The following FOCAD variants were observed in gnomAD, a reference collection of about 807,000 sequenced individuals.
FOCAD encodes focadhesin.
In FOCAD, 198 loss-of-function variants were observed where a neutral mutation model predicts 225.6. That is an observed-to-expected ratio of 0.88 (90% CI 0.78 to 0.99). The LOEUF (loss-of-function observed/expected upper bound fraction) is 0.99. FOCAD is among the 50% of genes least tolerant of loss of function. FOCAD has a pLI of 0.00. For synonymous variants in FOCAD, 897 were observed against 755.0 expected (o/e 1.19, Z -3.08); for missense variants, 2,713 against 2,123.6 (o/e 1.28, Z -5.46).
chr9:20,755,788 C>A (rs186903688), intron 5 of FOCAD, among the ~76,000 whole-genome samples: 2 of 152,040 alleles, frequency 1.3e-5, no homozygotes, highest in Non-Finnish European at 2.9e-5. Context: ...GCTGTTTCTT[C>A]CTTTTTATGT....
At chr9:20,769,169 T>C (rs1306142024) in intron 7 of FOCAD, among the ~76,000 whole-genome samples, 4 of 152,250 alleles carry the variant, frequency 2.6e-5, no homozygotes, top group African/African-American at 9.6e-5. Flanking sequence ...TTTCTTCTCT[T>C]TGATCTTTTA....
chr9:20,995,617 A>C lies in FOCAD; in HGVS notation c.5394A>C (p.Ala1798=). ...AGAAGAAAGCTGTATGGACCAGAGC[A>C]TATGGTTGGTGAACAGTTTTGCAGT... ...EFKKKAVWTR[A]YGW is the part of the protein sequence containing the mutation. Residue 1798 remains alanine, a synonymous_variant, in exon 44 of 44, where the codon GCA becomes GCC. Transcript: ENST00000338382. 1 of 1,612,678 alleles carries C rather than the reference A, an allele frequency of 6.2e-7. No individual in the cohort carries two copies. Among genetic ancestry groups the C allele is most frequent in the South Asian group, 1.1e-5 (1 of 91,062 alleles).
At chr9:20,948,055 C>G (rs1837346595) in intron 30 of FOCAD, among the ~76,000 whole-genome samples, 2 of 151,688 alleles carry the variant, frequency 1.3e-5, no homozygotes, top group Admixed American at 6.6e-5. Context: ...AGCTGAATTC[C>G]TTGCAATTAG....
chr9:20,737,553 A>T (rs191923881), intron 4 of FOCAD, among the ~76,000 whole-genome samples: 1 of 152,332 alleles, frequency 6.6e-6, no homozygotes, highest in East Asian at 1.9e-4. Flanking sequence ...CTTAAATACG[A>T]CTTGAAAGCT....
intron 10 of FOCAD, among the ~76,000 whole-genome samples, chr9:20,785,706 C>G (rs1268075108): frequency 6.6e-6 from 1 of 152,102 alleles, no homozygotes; most frequent in African/African-American, 2.4e-5. Context: ...TATAATGCTG[C>G]TATAATCATT....
chr9:20,693,651 G>A (rs1823114306), intron 1 of FOCAD, among the ~76,000 whole-genome samples: 2 of 152,082 alleles, frequency 1.3e-5, no homozygotes, highest in South Asian at 4.1e-4. Flanking sequence ...GAAAAGCTCT[G>A]GACCATTATC....
intron 6 of FOCAD, among the ~76,000 whole-genome samples, chr9:20,761,215 G>A (rs1424799638): frequency 6.6e-6 from 1 of 152,066 alleles, no homozygotes; most frequent in African/African-American, 2.4e-5. Flanking sequence ...ATTTATTGAA[G>A]GCCTATGACT....
intron 2 of FOCAD, chr9:20,715,989 G>T (rs1825298561): frequency 7.4e-6 from 2 of 271,268 alleles, no homozygotes; most frequent in Admixed American, 5.9e-5. Flanking sequence ...ATAGCTTATT[G>T]TCTTTTCTTG....
intron 35 of FOCAD, among the ~76,000 whole-genome samples, chr9:20,961,688 A>T (rs983655071): frequency 6.6e-6 from 1 of 152,170 alleles, no homozygotes; most frequent in Admixed American, 6.5e-5. Flanking sequence ...CTCTGACAGT[A>T]AGAAACTTGA....
intron 16 of FOCAD, among the ~76,000 whole-genome samples, chr9:20,865,040 T>C (rs1829104818): frequency 6.6e-6 from 1 of 152,136 alleles, no homozygotes; most frequent in Non-Finnish European, 1.5e-5. Context: ...AATCCAGGAC[T>C]TTCTAGTTTC....
At chr9:20,972,325 A>G (rs1303342142) in intron 35 of FOCAD, among the ~76,000 whole-genome samples, 1 of 152,108 alleles carries the variant, frequency 6.6e-6, no homozygotes, top group African/African-American at 2.4e-5. Context: ...TATAGCAACA[A>G]ATAGGTTCTA....
chr9:20,883,394 A>G (rs753179186), intron 20 of FOCAD, among the ~76,000 whole-genome samples: 1 of 152,226 alleles, frequency 6.6e-6, no homozygotes, highest in South Asian at 2.1e-4. Flanking sequence ...TGAACAATCT[A>G]TGAACAAACT....
chr9:20,697,372 A>G (rs1823462484), intron 1 of FOCAD, among the ~76,000 whole-genome samples: 2 of 152,230 alleles, frequency 1.3e-5, no homozygotes, highest in South Asian at 4.1e-4. Flanking sequence ...CAAACCCTGT[A>G]GGACTTCCCA....
intron 6 of FOCAD, among the ~76,000 whole-genome samples, chr9:20,761,118 G>A (rs1427528533): frequency 6.6e-6 from 1 of 151,928 alleles, no homozygotes; most frequent in Non-Finnish European, 1.5e-5. Context: ...TGATCCTCCT[G>A]TCTCAGCCTT....
Position 20,768,501 on chromosome 9 carries a change from C to A in FOCAD, c.700-1531C>A, listed in dbSNP as rs546324156. Among the ~76,000 whole-genome samples, 51 of 151,246 alleles carry A rather than the reference C, an allele frequency of 3.4e-4. 1 individual carries two copies. Among genetic ancestry groups the A allele is most frequent in the African/African-American group, 1.2e-3 (49 of 41,276 alleles). ...ATTTGTTTGTATCCTCTTTTATTTCCTTGAGCAGTGGTTTGTAGTTCTCCT... is the reference window on the plus strand; with the variant it reads ...ATTTGTTTGTATCCTCTTTTATTTCATTGAGCAGTGGTTTGTAGTTCTCCT... On this transcript the variant is annotated intron_variant, in intron 7 of 43. Transcript: ENST00000338382.
intron 35 of FOCAD, among the ~76,000 whole-genome samples, chr9:20,967,445 G>A (rs75338369): frequency 6.6e-6 from 1 of 151,878 alleles, no homozygotes; most frequent in Admixed American, 6.6e-5. Context: ...CTCTATATAG[G>A]ATCATATCAT....
intron 11 of FOCAD, among the ~76,000 whole-genome samples, chr9:20,818,661 C>T (rs1823995535): frequency 6.6e-6 from 1 of 151,758 alleles, no homozygotes; most frequent in Admixed American, 6.6e-5. Context: ...GGATCCTTGT[C>T]AAAAACCAAT....
intron 4 of FOCAD, among the ~76,000 whole-genome samples, chr9:20,731,211 C>T (rs980015122): frequency 6.6e-6 from 1 of 151,988 alleles, no homozygotes; most frequent in Non-Finnish European, 1.5e-5. Flanking sequence ...GCACTCCAGC[C>T]TGGGTGACAC....
At chr9:20,757,080 C>T (rs1263845870) in intron 5 of FOCAD, among the ~76,000 whole-genome samples, 1 of 152,158 alleles carries the variant, frequency 6.6e-6, no homozygotes, top group South Asian at 2.1e-4. Context: ...CAGGCATGCG[C>T]CACCATTCCC....
Sources: gnomAD v4.1 joint callset for allele counts (sites outside exome capture counted in the v4.1 genomes callset) on GRCh38, gnomAD v4.1.1 for gene constraint, MANE v1.5 for transcripts, NCBI Gene and HGNC (gene_info 2026-07-23, HGNC 2026-07-21) for gene names.